The following ITIH5 variants were observed in gnomAD, a reference collection of about 807,000 sequenced individuals.
ITIH5 encodes inter-alpha-trypsin inhibitor heavy chain H5.
ITIH5 carries 65 observed loss-of-function variants against 77.5 expected under a neutral mutation model. The ratio of observed to expected loss-of-function variants is 0.84; its 90% CI spans 0.69 to 1.03. ITIH5 has a LOEUF of 1.03. Among genes scored for constraint, ITIH5 ranks in the 50% least tolerant of loss-of-function variants. The probability of loss-of-function intolerance (pLI) is 0.00; values close to 1 mark genes in which losing one functional copy is unlikely to be tolerated. For missense variants in ITIH5, 1,208 were observed against 1,213.1 expected (o/e 1.00, Z 0.06); for synonymous variants, 525 against 494.3 (o/e 1.06, Z -0.82).
At chr10:7,629,521 G>GTGTTGTAGCGTGTGTCTA (rs750669506) in intron 5 of ITIH5, among the ~76,000 whole-genome samples, 1 of 87,238 alleles carries the variant, frequency 1.1e-5, no homozygotes, top group African/African-American at 4.9e-5. Context: ...GCGTGTGTCC[G>GTGTTGTAGCGTGTGTCTA]TGTTGCAGCG....
chr10:7,568,414 G>A (rs1375455213), intron 12 of ITIH5, among the ~76,000 whole-genome samples: 4 of 152,150 alleles, frequency 2.6e-5, no homozygotes, highest in Non-Finnish European at 4.4e-5. Context: ...TTCCCACCAC[G>A]GACATCTCGC....
At chr10:7,597,923 CCA>C (rs1307184210) in intron 7 of ITIH5, among the ~76,000 whole-genome samples, 1 of 151,606 alleles carries the variant, frequency 6.6e-6, no homozygotes, top group Admixed American at 6.6e-5. Flanking sequence ...TTTTTAATCC[CCA>C]GTCTTAGGAG....
At chr10:7,659,211 T>G (rs1249831455) in intron 1 of ITIH5, among the ~76,000 whole-genome samples, 1 of 152,008 alleles carries the variant, frequency 6.6e-6, no homozygotes, top group Non-Finnish European at 1.5e-5. Flanking sequence ...ACCTCATCTC[T>G]GTTTTAAAAA....
intron 7 of ITIH5, among the ~76,000 whole-genome samples, chr10:7,590,881 G>A (rs1832780346): frequency 6.6e-6 from 1 of 152,156 alleles, no homozygotes; most frequent in South Asian, 2.1e-4. Context: ...GCTGCCCTCA[G>A]CATAAAGTCT....
At chr10:7,613,878 GCCATTTGGGCTGC>G (rs1292089460) in intron 7 of ITIH5, among the ~76,000 whole-genome samples, 1 of 152,126 alleles carries the variant, frequency 6.6e-6, no homozygotes, top group Non-Finnish European at 1.5e-5. Context: ...CCAGCTTCGT[GCCATTTGGGCTGC>G]CCAAACACCT....
chr10:7,576,319 C>A (rs535516800), intron 10 of ITIH5, 134 bp downstream of exon 10: 6 of 826,018 alleles, frequency 7.3e-6, no homozygotes, highest in Non-Finnish European at 9.2e-6. Context: ...CTACTATACC[C>A]GGTCTGGGTT....
chr10:7,655,625 A>T lies in ITIH5; in HGVS notation c.135+6T>A, dbSNP rs761767024. 1 of 1,608,304 alleles carries T rather than the reference A, an allele frequency of 6.2e-7. No homozygotes were observed. Among genetic ancestry groups the T allele is most frequent in the African/African-American group, 1.3e-5 (1 of 74,830 alleles). On this transcript the variant is annotated splice_donor_region_variant and intron_variant, in intron 2 of 13. Transcript: ENST00000397146. ...GACTTTCAAGATGCACCATGAATATACCTACCAGCCTCTGCAACAGTCTGA... is the reference window on the plus strand; with the variant it reads ...GACTTTCAAGATGCACCATGAATATTCCTACCAGCCTCTGCAACAGTCTGA...
chr10:7,585,841 C>CAAAA, intron 8 of ITIH5, 60 bp downstream of exon 8: 2 of 1,321,778 alleles, frequency 1.5e-6, no homozygotes, highest in Non-Finnish European at 1.0e-6. Context: ...AAAAAAAAAA[C>CAAAA]CAAAAAAAAA....
rs546804236 is a variant in ITIH5 at position 7,657,363 on chromosome 10, G to A, written c.91-1688C>T. 5.3e-5 allele frequency among the ~76,000 whole-genome samples: 8 copies of A among 151,986 alleles called. No individual in the cohort carries two copies. The East Asian group carries it at 9.7e-4, about 18-fold the overall frequency. ...TGCCTGGCCAAGTTTAACTTTTTAC[G>A]ATACTGCCAAACTGTTTTCCAAAGT... On this transcript the variant is annotated intron_variant, in intron 1 of 13. Transcript: ENST00000397146.
At chr10:7,585,366 CA>C (rs1832650496) in intron 8 of ITIH5, among the ~76,000 whole-genome samples, 1 of 152,184 alleles carries the variant, frequency 6.6e-6, no homozygotes, top group Admixed American at 6.5e-5. Context: ...ACCTGGGCAA[CA>C]CCCAAGACAA....
In ITIH5 at chr10:7,637,268, C is replaced by G. The variant is rs1425543668; in HGVS notation, c.612G>C (p.Pro204=). ...SAGIASLEVL[P]LHNSRQRGSG... ...TGCCCCTCTGCCTGCTGTTGTGAAG[C>G]GGCAGCACCTCCAGGGATGCGATGC... The change falls in exon 5 of 14, where the codon CCG becomes CCC. Residue 204 remains proline (P), a synonymous_variant. Coordinates refer to ENST00000397146, the MANE Select transcript of ITIH5 (RefSeq NM_030569.7). The G allele has an allele frequency of 1.9e-6, 3 of 1,611,020 alleles. No individual in the cohort carries two copies. Among genetic ancestry groups the G allele is most frequent in the Non-Finnish European group, 2.5e-6 (3 of 1,180,004 alleles).
At chr10:7,565,458 C>T (rs1193404544) in intron 13 of ITIH5, among the ~76,000 whole-genome samples, 2 of 150,236 alleles carry the variant, frequency 1.3e-5, no homozygotes, top group African/African-American at 2.4e-5. Context: ...TATATACACA[C>T]AGACATACAT....
intron 5 of ITIH5, among the ~76,000 whole-genome samples, chr10:7,631,961 A>ATTTT (rs34105815): frequency 7.2e-6 from 1 of 139,494 alleles, no homozygotes; most frequent in East Asian, 2.1e-4. Context: ...TAATTTTTGT[A>ATTTT]TTTTTTTTTT....
In ITIH5 at chr10:7,655,676, C is replaced by T. The variant is rs1235910847; in HGVS notation, c.91-1G>A. 6.2e-7 allele frequency: 1 copy of T among 1,610,392 alleles called. No individual in the cohort carries two copies. Among genetic ancestry groups the T allele is most frequent in the East Asian group, 2.2e-5 (1 of 44,868 alleles). ...CTTGCCTCGGGACCCTGAGTCCATCCTAGAAAAGAGAAGAGACTGTTAAAA... is the reference window on the plus strand; with the variant it reads ...CTTGCCTCGGGACCCTGAGTCCATCTTAGAAAAGAGAAGAGACTGTTAAAA... On this transcript the variant is annotated splice_acceptor_variant, in intron 1 of 13. Transcript: ENST00000397146. LOFTEE classifies it high-confidence loss of function.
chr10:7,564,326 C>T (rs1266100070), intron 13 of ITIH5, among the ~76,000 whole-genome samples: 2 of 152,108 alleles, frequency 1.3e-5, no homozygotes, highest in African/African-American at 4.8e-5. Flanking sequence ...ATATAGTAAT[C>T]GAATTTTCAT....
intron 7 of ITIH5, among the ~76,000 whole-genome samples, chr10:7,595,283 G>A (rs2130994626): frequency 6.6e-6 from 1 of 152,236 alleles, no homozygotes; most frequent in Admixed American, 6.5e-5. Flanking sequence ...GATTATGTTT[G>A]GACTGAAGGG....
At position 7,585,925 on chromosome 10, in the gene ITIH5, T is replaced by C. The variant is rs1832667672; in HGVS notation, c.1084A>G (p.Ile362Val). The C allele has an allele frequency of 6.2e-7, 1 of 1,613,586 alleles. No individual in the cohort carries two copies. Among genetic ancestry groups the C allele is most frequent in the African/African-American group, 1.3e-5 (1 of 74,812 alleles). The change falls in exon 8 of 14, where the codon ATT becomes GTT. Residue 362 changes from isoleucine (I) to valine (V), a missense_variant. Coordinates refer to ENST00000397146, the MANE Select transcript of ITIH5 (RefSeq NM_030569.7). The stretch of plus-strand genomic sequence containing the variant: ...CCTCCAGTGGGTGACATATGGTGAA[T>C]GTACACTTTCCCATCCCTGATGCTG... The part of the protein sequence containing the change: ...PDSIRDGKVY[I>V]HHMSPTGGTD...
intron 7 of ITIH5, among the ~76,000 whole-genome samples, chr10:7,588,174 A>G (rs1313012347): frequency 6.6e-6 from 1 of 152,248 alleles, no homozygotes; most frequent in Non-Finnish European, 1.5e-5. Context: ...ACTTAAGGTC[A>G]GAAGTTAGAG....
chr10:7,655,718 A>G (rs1834171612), intron 1 of ITIH5, 43 bp from the exon 2 acceptor site: 4 of 1,450,198 alleles, frequency 2.8e-6, no homozygotes, highest in Non-Finnish European at 3.9e-6. Flanking sequence ...TTTTTAAAAG[A>G]GAAGAGACAT....
Sources: gnomAD v4.1 joint callset for allele counts (sites outside exome capture counted in the v4.1 genomes callset) on GRCh38, gnomAD v4.1.1 for gene constraint, MANE v1.5 for transcripts, NCBI Gene and HGNC (gene_info 2026-07-23, HGNC 2026-07-21) for gene names.